VIP: variants seen among roughly 807,000 people sequenced by gnomAD.
The protein encoded by VIP is VIP peptides.
Under a neutral mutation model 20.1 loss-of-function variants are expected in VIP, and 18 were observed. That is an observed-to-expected ratio of 0.90 (90% CI 0.62 to 1.33). The LOEUF (loss-of-function observed/expected upper bound fraction) is 1.33, where lower values mean the gene tolerates loss of function less well. VIP is among the 40% of genes most tolerant of loss of function. The pLI is 0.00. For synonymous variants in VIP, 70 were observed against 68.1 expected, an observed-to-expected ratio of 1.03 and a Z score of -0.14; for missense variants, 209 against 199.4, an observed-to-expected ratio of 1.05 and a Z score of -0.29.
chr6:152,757,503 A>T (rs951603149), intron 6 of VIP, among the ~76,000 whole-genome samples: 3 of 151,984 alleles, frequency 2.0e-5, no homozygotes, highest in African/African-American at 7.2e-5. Context: ...ACTCACACTG[A>T]CAAGAAAAAT....
rs535986788 is a variant in VIP at position 152,756,575 on chromosome 6, C to G, written c.467+310C>G. Reference sequence around the variant, plus strand: ...AATGATGACTATACAGACATCTAGTCTGAATCTAAGAGCAAGTTTCATCAA... The same window carrying G: ...AATGATGACTATACAGACATCTAGTGTGAATCTAAGAGCAAGTTTCATCAA... On this transcript the variant is annotated intron_variant, in intron 5 of 6. Coordinates refer to ENST00000367244, the MANE Select transcript of VIP (RefSeq NM_003381.4). 5.3e-5 allele frequency among the ~76,000 whole-genome samples: 8 copies of G among 151,980 alleles called. No individual in the cohort carries two copies. The South Asian group carries it at 1.7e-3, about 32-fold the overall frequency.
At chr6:152,757,502 G>C (rs1193575000) in intron 6 of VIP, among the ~76,000 whole-genome samples, 1 of 152,004 alleles carries the variant, frequency 6.6e-6, no homozygotes, top group Non-Finnish European at 1.5e-5. Flanking sequence ...GACTCACACT[G>C]ACAAGAAAAA....
Position 152,750,964 on chromosome 6 carries a change from G to C in VIP, c.-11+5G>C, listed in dbSNP as rs2099729530. 6.6e-6 allele frequency: 1 copy of C among 152,206 alleles called. No individual in the cohort carries two copies. Among genetic ancestry groups the C allele is most frequent in the Non-Finnish European group, 1.5e-5 (1 of 68,044 alleles). The allele number at this position is 152,206 out of a possible 1,614,324, so 9.4% of individuals were successfully genotyped here. ...GGGGGAGCACGACTGGGCGAGGTAAGTGAAAACTTTACCTTTCCTCTTCTT... is the reference window on the plus strand; with the variant it reads ...GGGGGAGCACGACTGGGCGAGGTAACTGAAAACTTTACCTTTCCTCTTCTT... On this transcript the variant is annotated splice_donor_5th_base_variant and intron_variant, in intron 1 of 6. Coordinates refer to ENST00000367244, the MANE Select transcript of VIP (RefSeq NM_003381.4).
chr6:152,751,831 A>G (rs2099729686), intron 1 of VIP, among the ~76,000 whole-genome samples: 1 of 152,146 alleles, frequency 6.6e-6, no homozygotes, highest in Non-Finnish European at 1.5e-5. Context: ...TTCCTTCGTC[A>G]AAAAATACAC....
In VIP at chr6:152,754,230, A is replaced by T; in HGVS notation, c.172A>T (p.Ile58Phe). Reference protein sequence around the residue: ...EPDQVSLKEDIDMLQNALAEN... With the variant: ...EPDQVSLKEDFDMLQNALAEN... ...TGATCAAGTTTCATTAAAAGAAGAC[A>T]TTGACATGTTGCAAAATGCATTAGC... is the stretch of plus-strand genomic sequence containing the variant. Residue 58 changes from isoleucine to phenylalanine, a missense_variant, in exon 3 of 7, where the codon ATT (isoleucine) becomes TTT (phenylalanine). Ile to Phe is a conservative substitution (Grantham distance 21). Transcript: ENST00000367244. The T allele has an allele frequency of 6.2e-7, 1 of 1,612,074 alleles. No homozygotes were observed. The highest frequency in any genetic ancestry group is 1.1e-5 in the South Asian group (1 of 90,798).
chr6:152,755,683 AAATTTTAAGGTC>A (rs1286109704), intron 4 of VIP, among the ~76,000 whole-genome samples: 1 of 151,938 alleles, frequency 6.6e-6, no homozygotes. Flanking sequence ...AGACTGAGGT[AAATTTTAAGGTC>A]AAACAGAATA....
chr6:152,754,863 C>T (rs1414714436), intron 3 of VIP, among the ~76,000 whole-genome samples: 1 of 151,762 alleles, frequency 6.6e-6, no homozygotes, highest in Non-Finnish European at 1.5e-5. Context: ...ATGAACTTTC[C>T]AAAATCAGAA....
chr6:152,757,369 AT>A (rs1051072109), intron 6 of VIP, among the ~76,000 whole-genome samples, 185 bp downstream of exon 6: 3 of 151,844 alleles, frequency 2.0e-5, no homozygotes, highest in African/African-American at 7.2e-5. Context: ...GATTCATGAA[AT>A]TTTTTTGATC....
chr6:152,756,273 A>G lies in VIP; in HGVS notation c.467+8A>G, dbSNP rs1338211783. ...TCTGAATGGAAAGAGGAGGTAAAGA[A>G]AAAGAGAACTTGCTAAAATGAGGAA... On this transcript the variant is annotated splice_region_variant and intron_variant, in intron 5 of 6. Transcript: ENST00000367244. 11 of 1,602,438 alleles carry G rather than the reference A, an allele frequency of 6.9e-6. No individual in the cohort carries two copies. Among genetic ancestry groups the G allele is most frequent in the South Asian group, 1.1e-5 (1 of 89,168 alleles).
intron 1 of VIP, among the ~76,000 whole-genome samples, chr6:152,751,710 T>A (rs912378210): frequency 6.6e-6 from 1 of 152,178 alleles, no homozygotes; most frequent in South Asian, 2.1e-4. Context: ...ATTATATTTA[T>A]ACATTTGCAC....
chr6:152,752,655 C>T (rs761631785), intron 2 of VIP, among the ~76,000 whole-genome samples: 2 of 152,006 alleles, frequency 1.3e-5, no homozygotes, highest in Non-Finnish European at 2.9e-5. Context: ...AGTTGCCAAC[C>T]ACATTTGAGT....
intron 6 of VIP, 81 bp downstream of exon 6, chr6:152,757,265 A>G (rs1183074787): frequency 2.2e-6 from 2 of 899,166 alleles, no homozygotes; most frequent in African/African-American, 3.4e-5. Flanking sequence ...TTAGTAAGAA[A>G]CATCTTAGGG....
chr6:152,756,092 C>G (rs780738495), intron 4 of VIP, 42 bp from the exon 5 acceptor site: 1 of 1,463,510 alleles, frequency 6.8e-7, no homozygotes. Context: ...TTTATCATTT[C>G]TTGTGAAAAC....
At chr6:152,757,241 T>A in intron 6 of VIP, 57 bp downstream of exon 6, 3 of 1,148,868 alleles carry the variant, frequency 2.6e-6, no homozygotes, top group Non-Finnish European at 3.8e-6. Context: ...ATTATATAAG[T>A]AGCTAAGAGT....
chr6:152,757,230 G>A, intron 6 of VIP, 46 bp downstream of exon 6: 1 of 1,284,046 alleles, frequency 7.8e-7, no homozygotes, highest in Non-Finnish European at 1.1e-6. Context: ...GGCTGTCTCT[G>A]ATTATATAAG....
rs1227996781 is a variant in VIP, at chr6:152,750,805, G to T, written c.-165G>T. 1 of 152,194 alleles carries T rather than the reference G, an allele frequency of 6.6e-6. No individual in the cohort carries two copies. Among genetic ancestry groups the T allele is most frequent in the Non-Finnish European group, 1.5e-5 (1 of 68,082 alleles). The allele number at this position is 152,194 out of a possible 1,614,324, so 9.4% of individuals were successfully genotyped here. On this transcript the variant is annotated 5_prime_UTR_variant, in exon 1 of 7. Coordinates refer to ENST00000367244, the MANE Select transcript of VIP (RefSeq NM_003381.4). ...GCTTTGAAATGCTGGTCAGGGTAGA[G>T]TGAGAAGCACCAGCAGGCAGTAACA...
chr6:152,755,670 T>C (rs1325168426), intron 4 of VIP, among the ~76,000 whole-genome samples: 1 of 151,920 alleles, frequency 6.6e-6, no homozygotes, highest in African/African-American at 2.4e-5. Context: ...AAAGAGATAG[T>C]ACAGACTGAG....
In VIP at chr6:152,755,372, A is replaced by C; in HGVS notation, c.334A>C (p.Ser112Arg). ...TGAGTCTCTTATGGGAAAACGTGTT[A>C]GGTAAAGAGAATTTATTATTTTTAT... is the stretch of plus-strand genomic sequence containing the variant. ...YLESLMGKRV[S>R]SNISEDPVPV... The change falls in exon 4 of 7, where the codon AGC (serine) becomes CGC (arginine). Residue 112 changes from serine (S) to arginine (R), a missense_variant and splice_region_variant. Coordinates refer to ENST00000367244, the MANE Select transcript of VIP (RefSeq NM_003381.4). 1 of 1,512,686 alleles carries C rather than the reference A, an allele frequency of 6.6e-7. No individual in the cohort carries two copies. Among genetic ancestry groups the C allele is most frequent in the African/African-American group, 1.4e-5 (1 of 71,064 alleles). The allele number at this position is 1,512,686 out of a possible 1,614,324, so 93.7% of individuals were successfully genotyped here.
chr6:152,756,069 G>A, intron 4 of VIP, 65 bp from the exon 5 acceptor site: 4 of 1,387,892 alleles, frequency 2.9e-6, no homozygotes, highest in Non-Finnish European at 3.8e-6. Context: ...AAGAAACCTG[G>A]AACATGTGTG....
Sources: allele counts gnomAD v4.1 joint callset (sites outside exome capture counted in the v4.1 genomes callset), GRCh38; gene constraint gnomAD v4.1.1; transcripts MANE v1.5; gene names NCBI Gene and HGNC (gene_info 2026-07-23, HGNC 2026-07-21).